The following TMEM220 variants were observed in gnomAD, a reference collection of about 807,000 sequenced individuals.
The protein encoded by TMEM220 is transmembrane protein 220.
Under a neutral mutation model 21.7 loss-of-function variants are expected in TMEM220, and 21 were observed. The ratio of observed to expected loss-of-function variants is 0.97; its 90% confidence interval spans 0.69 to 1.39. The LOEUF (loss-of-function observed/expected upper bound fraction) is 1.39, where lower values mean the gene tolerates loss of function less well. TMEM220 is among the 40% of genes most tolerant of loss of function. The pLI is 0.00. For missense variants in TMEM220, 191 were observed against 201.9 expected, an observed-to-expected ratio of 0.95 and a Z score of 0.33; for synonymous variants, 80 against 73.6, an observed-to-expected ratio of 1.09 and a Z score of -0.45.
intron 3 of TMEM220, among the ~76,000 whole-genome samples, chr17:10,725,453 A>G (rs530533987): frequency 9.2e-5 from 14 of 152,334 alleles, no homozygotes; most frequent in African/African-American, 3.4e-4. Flanking sequence ...CAATCAATAC[A>G]TGTTATCTCC....
intron 5 of TMEM220, among the ~76,000 whole-genome samples, chr17:10,721,617 AAAG>A (rs1485720508): frequency 7.4e-5 from 4 of 54,000 alleles, no homozygotes; most frequent in East Asian, 5.7e-4. Flanking sequence ...AAAAAAAAAA[AAAG>A]AAAAAAAGAA....
intron 5 of TMEM220, among the ~76,000 whole-genome samples, chr17:10,718,771 C>CT (rs1196908746): frequency 6.6e-6 from 1 of 152,184 alleles, no homozygotes; most frequent in Non-Finnish European, 1.5e-5. Flanking sequence ...TGATTTCTAG[C>CT]TTAACTGCAC....
At chr17:10,724,333 G>C (rs1381048996) in intron 4 of TMEM220, 1 of 152,360 alleles carries the variant, frequency 6.6e-6, no homozygotes, top group African/African-American at 2.4e-5. Context: ...TGTAATCCCA[G>C]CACTTTGAGA....
intron 2 of TMEM220, among the ~76,000 whole-genome samples, chr17:10,726,657 A>C (rs564001221): frequency 2.0e-5 from 3 of 152,358 alleles, no homozygotes; most frequent in Admixed American, 2.0e-4. Flanking sequence ...CCACGATGCT[A>C]GATGGCCCTG....
At chr17:10,725,242 A>C in intron 3 of TMEM220, 108 bp from the exon 4 acceptor site, 1 of 1,462,958 alleles carries the variant, frequency 6.8e-7, no homozygotes, top group Non-Finnish European at 9.2e-7. Context: ...AAAGACATTC[A>C]GACTCCCTCA....
chr17:10,719,116 T>C (rs1449195463), intron 5 of TMEM220, among the ~76,000 whole-genome samples: 1 of 151,984 alleles, frequency 6.6e-6, no homozygotes, highest in Non-Finnish European at 1.5e-5. Flanking sequence ...TCTTGATGAA[T>C]TGAATCTTTT....
At chr17:10,723,422 T>C in intron 4 of TMEM220, 93 bp from the exon 5 acceptor site, 1 of 871,614 alleles carries the variant, frequency 1.1e-6, no homozygotes, top group Non-Finnish European at 2.0e-6. Flanking sequence ...TAGCGCATTC[T>C]GATTGAGTGA....
At chr17:10,728,093 G>T in intron 2 of TMEM220, among the ~76,000 whole-genome samples, 1 of 151,784 alleles carries the variant, frequency 6.6e-6, no homozygotes, top group Non-Finnish European at 1.5e-5. Flanking sequence ...CTGGGAGGTA[G>T]AGGTTGCGGT....
In TMEM220 at chr17:10,729,776, T is replaced by A. The variant is rs1468833803; in HGVS notation, c.72+4A>T. On this transcript the variant is annotated splice_donor_region_variant and intron_variant, in intron 1 of 5. Transcript: ENST00000341871. Reference sequence around the variant, plus strand: ...GGGTCCCCCTCCCACCGCGGCCGCCTGACCTGCACCAAGGCCGCCAGCGCG... The same window carrying A: ...GGGTCCCCCTCCCACCGCGGCCGCCAGACCTGCACCAAGGCCGCCAGCGCG... The A allele has an allele frequency of 5.7e-6, 8 of 1,392,166 alleles. No homozygotes were observed. The Middle Eastern group carries it at 7.8e-4, about 135-fold the overall frequency. 86.2% of individuals were successfully genotyped at this position (1,392,166 alleles called of 1,614,324 possible).
intron 5 of TMEM220, chr17:10,715,874 GCTGT>G (rs980041285): frequency 2.0e-5 from 7 of 351,106 alleles, no homozygotes; most frequent in South Asian, 9.7e-5. Context: ...TGATTTTTGT[GCTGT>G]TTAAGAATTT....
Position 10,713,400 on chromosome 17 carries a change from C to G in TMEM220, c.*2053G>C, listed in dbSNP as rs1049275646. The G allele has an allele frequency of 6.6e-6, 1 of 151,790 alleles. No homozygotes were observed. 9.4% of individuals were successfully genotyped at this position (151,790 alleles called of 1,614,324 possible). On this transcript the variant is annotated 3_prime_UTR_variant, in exon 6 of 6. Coordinates refer to ENST00000341871, the MANE Select transcript of TMEM220 (RefSeq NM_001004313.3). Reference sequence around the variant, plus strand: ...CCTTTTATATGCTTAACTGAAGATGCGAAAGAGACTATGAATAGTCACATA... The same window carrying G: ...CCTTTTATATGCTTAACTGAAGATGGGAAAGAGACTATGAATAGTCACATA...
chr17:10,728,155 C>T (rs1264713000), intron 2 of TMEM220, among the ~76,000 whole-genome samples: 13 of 149,848 alleles, frequency 8.7e-5, no homozygotes, highest in African/African-American at 3.2e-4. Context: ...AGCAAAACTC[C>T]GTCTCAAAAA....
At chr17:10,725,171 T>C in intron 3 of TMEM220, 37 bp from the exon 4 acceptor site, 1 of 1,608,684 alleles carries the variant, frequency 6.2e-7, no homozygotes, top group Non-Finnish European at 8.5e-7. Context: ...AACCACGGAA[T>C]CACAGCCCAC....
chr17:10,716,519 CAA>C (rs1333314285), intron 5 of TMEM220: 4 of 626,586 alleles, frequency 6.4e-6, no homozygotes, highest in South Asian at 5.5e-5. Flanking sequence ...TCATGGCTTG[CAA>C]AAGACAACTG....
At chr17:10,711,214 CTCTG>C (rs1452313887), downstream of TMEM220, 3 of 1,257,714 alleles carry the variant, frequency 2.4e-6, no homozygotes, top group East Asian at 2.4e-5. Context: ...AATAAAAATC[CTCTG>C]TCTCATTGTT....
At position 10,726,249 on chromosome 17, in the gene TMEM220, G is replaced by T; in HGVS notation, c.118C>A (p.Pro40Thr). 6.2e-7 allele frequency: 1 copy of T among 1,613,970 alleles called. No individual in the cohort carries two copies. Among genetic ancestry groups the T allele is most frequent in the South Asian group, 1.1e-5 (1 of 91,070 alleles). ...CCAACAAGCAGGGTCAGTACTGCAG[G>T]GATTGTGTACACCACCTGTTAGCAA... ...AEVWVVVYTI[P>T]AVLTLLVGLN... Residue 40 changes from proline to threonine, a missense_variant, in exon 3 of 6, where the codon CCT (proline) becomes ACT (threonine). Coordinates refer to ENST00000341871, the MANE Select transcript of TMEM220 (RefSeq NM_001004313.3).
chr17:10,724,193 G>A (rs2075022916), intron 4 of TMEM220, among the ~76,000 whole-genome samples: 1 of 152,168 alleles, frequency 6.6e-6, no homozygotes, highest in African/African-American at 2.4e-5. Context: ...AGGGTGGGAG[G>A]AAGCAAAGGA....
At chr17:10,716,298 C>G in intron 5 of TMEM220, 6 of 666,230 alleles carry the variant, frequency 9.0e-6, no homozygotes, top group Non-Finnish European at 1.4e-5. Context: ...ACGCATCATC[C>G]TCTTTGGTAA....
At chr17:10,711,463 G>A (rs2074852938), downstream of TMEM220, among the ~76,000 whole-genome samples, 1 of 152,134 alleles carries the variant, frequency 6.6e-6, no homozygotes, top group East Asian at 1.9e-4. Context: ...ATTCACATGT[G>A]TTAACTATGT....
Sources: gnomAD v4.1 joint callset for allele counts (sites outside exome capture counted in the v4.1 genomes callset) on GRCh38, gnomAD v4.1.1 for gene constraint, MANE v1.5 for transcripts, NCBI Gene and HGNC (gene_info 2026-07-23, HGNC 2026-07-21) for gene names.